Variants in SYT14 observed in about 807,000 individuals in gnomAD.
SYT14 encodes synaptotagmin 14.
A neutral mutation model predicts 74.2 loss-of-function variants in SYT14; 32 were observed. That is an observed-to-expected ratio of 0.43 (90% confidence interval 0.33 to 0.58). The LOEUF (loss-of-function observed/expected upper bound fraction) is 0.58. SYT14 is among the 20% of genes least tolerant of loss of function. SYT14 has a pLI of 0.05. For synonymous variants in SYT14, 298 were observed against 337.7 expected (o/e 0.88, Z 1.29); for missense variants, 791 against 981.8 (o/e 0.81, Z 2.60).
At chr1:210,072,054 AT>A (rs1422006477) in intron 5 of SYT14, among the ~76,000 whole-genome samples, 1 of 151,578 alleles carries the variant, frequency 6.6e-6, no homozygotes, top group African/African-American at 2.4e-5. Context: ...CTTTTTAAAA[AT>A]AACTCATTTT....
chr1:210,034,305 A>T (rs75274701), intron 5 of SYT14, among the ~76,000 whole-genome samples: 139 of 151,944 alleles, frequency 9.1e-4, no homozygotes, highest in African/African-American at 3.2e-3. Context: ...TAACTTAGAT[A>T]ACATAATATG....
At chr1:210,048,665 CT>C (rs2080931513) in intron 5 of SYT14, among the ~76,000 whole-genome samples, 1 of 152,198 alleles carries the variant, frequency 6.6e-6, no homozygotes, top group Non-Finnish European at 1.5e-5. Context: ...CATTTCGCCC[CT>C]GGCCCCTCCC....
At chr1:210,077,250 G>T (rs2081519945) in intron 5 of SYT14, among the ~76,000 whole-genome samples, 1 of 151,946 alleles carries the variant, frequency 6.6e-6, no homozygotes, top group Admixed American at 6.6e-5. Flanking sequence ...GTCGGTGGGG[G>T]GGAGATGCCA....
chr1:210,094,295 A>T (rs1002779198), intron 5 of SYT14, 27 bp from the exon 5 acceptor site: 2 of 1,613,692 alleles, frequency 1.2e-6, no homozygotes. Context: ...AATTGGAAAC[A>T]GTGACCAGAT....
At chr1:210,077,176 T>C (rs1209662004) in intron 5 of SYT14, among the ~76,000 whole-genome samples, 1 of 152,160 alleles carries the variant, frequency 6.6e-6, no homozygotes, top group African/African-American at 2.4e-5. Flanking sequence ...AGGGAGCTTT[T>C]ACCCATGGTG....
intron 2 of SYT14, among the ~76,000 whole-genome samples, chr1:209,958,095 A>G (rs529163464): frequency 9.2e-5 from 14 of 152,196 alleles, no homozygotes; most frequent in Non-Finnish European, 2.1e-4. Flanking sequence ...TTGATTTTTT[A>G]TATGGTTAAG....
At chr1:209,951,000 TAATA>T (rs1324286888) in intron 1 of SYT14, among the ~76,000 whole-genome samples, 1 of 152,198 alleles carries the variant, frequency 6.6e-6, no homozygotes, top group African/African-American at 2.4e-5. Context: ...ATTACTCTTA[TAATA>T]AATTAGAATA....
Position 209,949,324 on chromosome 1 carries a change from T to C in SYT14, c.-533-3385T>C, listed in dbSNP as rs1201031033. Among the ~76,000 whole-genome samples, 10 of 152,022 alleles carry C rather than the reference T, an allele frequency of 6.6e-5. 1 individual carries two copies. Among genetic ancestry groups the C allele is most frequent in the Non-Finnish European group, 1.3e-4 (9 of 67,988 alleles). On this transcript the variant is annotated intron_variant, in intron 1 of 9. Transcript: ENST00000637265. ...GCGTGGTGGCTCATGCCTGTAATCC[T>C]AGCACTATGGGAGGCCGAGGCGGGC... is the stretch of plus-strand genomic sequence containing the variant.
At chr1:210,084,859 G>A (rs866473926) in intron 5 of SYT14, among the ~76,000 whole-genome samples, 2 of 152,254 alleles carry the variant, frequency 1.3e-5, no homozygotes, top group Admixed American at 6.5e-5. Context: ...TTTTCAAGCC[G>A]ACTAATTTTT....
chr1:210,050,373 A>G (rs150020757), intron 5 of SYT14, among the ~76,000 whole-genome samples: 1,741 of 152,262 alleles, frequency 0.011, 29 homozygotes, highest in African/African-American at 0.039. Flanking sequence ...CCATATCACT[A>G]TCAGCATTTT....
intron 5 of SYT14, among the ~76,000 whole-genome samples, chr1:210,036,341 A>G (rs1476879232): frequency 3.3e-5 from 5 of 151,742 alleles, no homozygotes; most frequent in Admixed American, 6.6e-5. Flanking sequence ...CTTTAGAGAG[A>G]TGATTATTTT....
Position 209,988,225 on chromosome 1 carries a change from T to C in SYT14, c.-485-25408T>C, listed in dbSNP as rs72649928. The stretch of plus-strand genomic sequence containing the variant: ...TTCTTTTGTAATATCTGATGTGCTG[T>C]CAGTCTCTTTCAGTGTATTTTTATC... On this transcript the variant is annotated intron_variant, in intron 2 of 9. Coordinates refer to ENST00000637265, the Ensembl canonical transcript of SYT14. 0.015 allele frequency among the ~76,000 whole-genome samples: 2,308 copies of C among 152,312 alleles called. 171 individuals are homozygous for C. In the East Asian group the frequency reaches 0.23, roughly 15 times the overall value.
intron 5 of SYT14, among the ~76,000 whole-genome samples, chr1:210,064,838 C>T (rs2102421922): frequency 6.6e-6 from 1 of 152,146 alleles, no homozygotes; most frequent in African/African-American, 2.4e-5. Flanking sequence ...TCAGAACTGC[C>T]AAACTGTTTT....
intron 2 of SYT14, among the ~76,000 whole-genome samples, chr1:209,966,858 A>T (rs905280487): frequency 6.6e-6 from 1 of 152,138 alleles, no homozygotes; most frequent in Non-Finnish European, 1.5e-5. Context: ...TTCTAGTACA[A>T]TGTTGAATAG....
chr1:210,062,414 A>C (rs1358353668), intron 5 of SYT14, among the ~76,000 whole-genome samples: 1 of 151,854 alleles, frequency 6.6e-6, no homozygotes, highest in Admixed American at 6.6e-5. Flanking sequence ...TTTTTTTCTA[A>C]TTTGTCAAAC....
At chr1:210,008,125 A>T (rs762403264) in intron 2 of SYT14, among the ~76,000 whole-genome samples, 7 of 152,186 alleles carry the variant, frequency 4.6e-5, no homozygotes, top group Non-Finnish European at 1.0e-4. Context: ...TAAATAAGAT[A>T]ATGCTTGTAA....
chr1:210,168,803 C>T (rs2083485257), exon 10 of SYT14: 1 of 152,150 alleles, frequency 6.6e-6, no homozygotes, highest in Admixed American at 6.5e-5. Flanking sequence ...ATTTATTCCT[C>T]AGGGGTTGGT....
At chr1:209,938,469 C>G (rs1341502970) in intron 1 of SYT14, among the ~76,000 whole-genome samples, 192 bp downstream of exon 1, 2 of 151,762 alleles carry the variant, frequency 1.3e-5, no homozygotes, top group Non-Finnish European at 2.9e-5. Context: ...ACGCCGGGCC[C>G]GACTGGCTCG....
intron 7 of SYT14, among the ~76,000 whole-genome samples, chr1:210,112,482 G>A (rs1394129198): frequency 1.3e-5 from 2 of 151,378 alleles, no homozygotes; most frequent in Admixed American, 6.6e-5. Context: ...TACTTTCCTT[G>A]GTCCAAAAAC....
Sources: allele counts gnomAD v4.1 joint callset (sites outside exome capture counted in the v4.1 genomes callset), GRCh38; gene constraint gnomAD v4.1.1; transcripts MANE v1.5; gene names NCBI Gene and HGNC (gene_info 2026-07-23, HGNC 2026-07-21).